Variants in PMEPA1 observed in about 807,000 individuals in gnomAD.
The protein encoded by PMEPA1 is prostate transmembrane protein, androgen induced 1, also known as protein TMEPAI.
Under a neutral mutation model 23.0 loss-of-function variants are expected in PMEPA1, and 11 were observed. The observed-to-expected ratio is 0.48, with a 90% CI of 0.30 to 0.79. The LOEUF (loss-of-function observed/expected upper bound fraction) is 0.79, where lower values mean the gene tolerates loss of function less well. PMEPA1 is among the 30% of genes least tolerant of loss of function. The pLI is 0.06. For missense variants in PMEPA1, 377 were observed against 390.9 expected (o/e 0.96, Z 0.30); for synonymous variants, 204 against 166.4 (o/e 1.23, Z -1.74).
intron 1 of PMEPA1, among the ~76,000 whole-genome samples, chr20:57,694,129 C>T (rs1052328548): frequency 6.6e-6 from 1 of 152,182 alleles, no homozygotes; most frequent in Non-Finnish European, 1.5e-5. Context: ...TTGCCCCTGA[C>T]CTTCAAATAG....
At chr20:57,686,781 CAA>C (rs1049050430) in intron 1 of PMEPA1, among the ~76,000 whole-genome samples, 6 of 152,340 alleles carry the variant, frequency 3.9e-5, no homozygotes, top group African/African-American at 9.6e-5. Flanking sequence ...CAGTGCACAC[CAA>C]AGAGTGGAGC....
At chr20:57,697,904 AGAAC>A (rs755449059) in intron 1 of PMEPA1, among the ~76,000 whole-genome samples, 3 of 152,248 alleles carry the variant, frequency 2.0e-5, no homozygotes, top group African/African-American at 7.2e-5. Context: ...AATAATGCAA[AGAAC>A]GAACAACCGC....
chr20:57,686,567 C>T (rs887698164), intron 1 of PMEPA1, among the ~76,000 whole-genome samples: 7 of 152,236 alleles, frequency 4.6e-5, no homozygotes, highest in African/African-American at 1.7e-4. Context: ...GTCTCAACCA[C>T]CTGTCCTAAA....
chr20:57,686,041 C>A (rs1201370249), intron 1 of PMEPA1, among the ~76,000 whole-genome samples: 4 of 152,058 alleles, frequency 2.6e-5, no homozygotes, highest in Non-Finnish European at 5.9e-5. Context: ...AGGGTGACAC[C>A]CAAACACCCT....
chr20:57,689,813 C>T (rs904137165), intron 1 of PMEPA1, among the ~76,000 whole-genome samples: 2 of 152,164 alleles, frequency 1.3e-5, no homozygotes, highest in Non-Finnish European at 2.9e-5. Context: ...AGGCTGTGGC[C>T]TTTCAGACGT....
At chr20:57,662,120 C>T (rs1198604795) in intron 1 of PMEPA1, among the ~76,000 whole-genome samples, 1 of 152,158 alleles carries the variant, frequency 6.6e-6, no homozygotes, top group Non-Finnish European at 1.5e-5. Context: ...CAGCTGGGGC[C>T]ACGTCTGCAC....
chr20:57,680,919 G>T (rs6025721), intron 1 of PMEPA1, among the ~76,000 whole-genome samples: 2 of 152,222 alleles, frequency 1.3e-5, no homozygotes, highest in Non-Finnish European at 2.9e-5. Context: ...AGCAGTCTGC[G>T]TGAGGACGTA....
At chr20:57,708,262 C>T (rs2072115158) in intron 1 of PMEPA1, among the ~76,000 whole-genome samples, 1 of 152,196 alleles carries the variant, frequency 6.6e-6, no homozygotes, top group South Asian at 2.1e-4. Flanking sequence ...CAGGGAAGGA[C>T]TGTGTGCCCC....
At chr20:57,676,361 G>A (rs1446299528) in intron 1 of PMEPA1, among the ~76,000 whole-genome samples, 1 of 152,208 alleles carries the variant, frequency 6.6e-6, no homozygotes, top group African/African-American at 2.4e-5. Flanking sequence ...CTGGTACACA[G>A]CAAGTGCATA....
rs2071758462 is a variant in PMEPA1, at chr20:57,683,671, C to A, written c.110-23974G>T. Among the ~76,000 whole-genome samples the A allele has an allele frequency of 6.6e-6, 1 of 151,864 alleles. No homozygotes were observed. The highest frequency in any genetic ancestry group is 1.5e-5 in the Non-Finnish European group (1 of 67,988). On this transcript the variant is annotated intron_variant, in intron 1 of 3. Transcript: ENST00000341744. This position sits in a 1 kb window ranked among gnomAD's most constrained non-coding sequence, Gnocchi z 4.3. ...GTAATTATGAGAGAGCAGAAAGAAC[C>A]CCCGAATGACTGTATAACTTGAAAT...
intron 2 of PMEPA1, among the ~76,000 whole-genome samples, chr20:57,657,131 T>C (rs1229721725): frequency 4.6e-5 from 7 of 152,198 alleles, no homozygotes; most frequent in Non-Finnish European, 8.8e-5. Context: ...TCCACAACAG[T>C]GAAGCCCCTG....
At chr20:57,689,079 G>A (rs1207041857) in intron 1 of PMEPA1, among the ~76,000 whole-genome samples, 18 of 152,356 alleles carry the variant, frequency 1.2e-4, no homozygotes, top group Non-Finnish European at 4.4e-5. Flanking sequence ...GCATGGGCCC[G>A]AGTGGGCGTC....
intron 1 of PMEPA1, among the ~76,000 whole-genome samples, chr20:57,680,460 C>G (rs891736229): frequency 6.6e-6 from 1 of 152,192 alleles, no homozygotes; most frequent in Non-Finnish European, 1.5e-5. Context: ...AAACATCCAC[C>G]CTGCCACGCA....
intron 1 of PMEPA1, among the ~76,000 whole-genome samples, chr20:57,667,484 G>A (rs1004697284): frequency 3.3e-5 from 5 of 152,086 alleles, no homozygotes; most frequent in African/African-American, 1.2e-4. Context: ...CTTCAGCTGG[G>A]GAGCTGGGAG....
intron 1 of PMEPA1, among the ~76,000 whole-genome samples, chr20:57,672,730 C>T (rs951913064): frequency 1.8e-4 from 27 of 152,144 alleles, no homozygotes; most frequent in Admixed American, 1.8e-3. Flanking sequence ...TCTGGGCAGG[C>T]CCCTTGCACC....
At chr20:57,693,781 G>A (rs2071912669) in intron 1 of PMEPA1, among the ~76,000 whole-genome samples, 1 of 152,178 alleles carries the variant, frequency 6.6e-6, no homozygotes, top group South Asian at 2.1e-4. Flanking sequence ...ATGCCACACA[G>A]CTGCGACCTG....
intron 1 of PMEPA1, among the ~76,000 whole-genome samples, chr20:57,684,682 C>T (rs2071776961): frequency 6.6e-6 from 1 of 152,220 alleles, no homozygotes; most frequent in Non-Finnish European, 1.5e-5. Flanking sequence ...ATTAATGCAT[C>T]TATTTGGCAG....
chr20:57,672,744 G>A (rs754669686), intron 1 of PMEPA1, among the ~76,000 whole-genome samples: 16 of 152,254 alleles, frequency 1.1e-4, no homozygotes, highest in Non-Finnish European at 8.8e-5. Flanking sequence ...TTGCACCATC[G>A]GGCTCCCAGG....
At chr20:57,675,598 A>G (rs1411694579) in intron 1 of PMEPA1, among the ~76,000 whole-genome samples, 2 of 152,052 alleles carry the variant, frequency 1.3e-5, no homozygotes, top group Non-Finnish European at 2.9e-5. Flanking sequence ...AGGAGGGTCT[A>G]GGAAATGCTG....
Sources: gnomAD v4.1 joint callset for allele counts (sites outside exome capture counted in the v4.1 genomes callset) on GRCh38, gnomAD v4.1.1 for gene constraint, Gnocchi (gnomAD v3.1) non-coding constraint, MANE v1.5 for transcripts, NCBI Gene and HGNC (gene_info 2026-07-23, HGNC 2026-07-21) for gene names.